Variants in CASKIN1 observed in about 807,000 individuals in gnomAD.
The protein encoded by CASKIN1 is caskin-1.
In CASKIN1, 42 loss-of-function variants were observed where a neutral mutation model predicts 117.5. The observed-to-expected ratio is 0.36, with a 90% CI of 0.28 to 0.46. The LOEUF (loss-of-function observed/expected upper bound fraction) is 0.46, where lower values mean the gene tolerates loss of function less well. CASKIN1 is among the 20% of genes least tolerant of loss of function. The pLI, the probability that CASKIN1 is intolerant of heterozygous loss-of-function variation, is 1.00. For missense variants in CASKIN1, 2,083 were observed against 2,077.3 expected, an observed-to-expected ratio of 1.00 and a Z score of -0.05; for synonymous variants, 1,148 against 961.7, an observed-to-expected ratio of 1.19 and a Z score of -3.59.
rs769679201 is a variant in CASKIN1, at chr16:2,181,200, C to G, written c.2168G>C (p.Arg723Pro). 6 of 1,569,720 alleles carry G rather than the reference C, an allele frequency of 3.8e-6. No individual in the cohort carries two copies. In the South Asian group the frequency reaches 5.7e-5, roughly 15 times the overall value. ...CTCATCCAGGAGGTACTCCTGGCTT[C>G]GAGACATGGGGCTGCTGGGCCCAGG... ...GPPGPSSPMS[R>P]SQEYLLDEGP... The change falls in exon 18 of 20, where the codon CGA (arginine) becomes CCA (proline). Residue 723 changes from arginine to proline, a missense_variant. Around this residue, in one of 3 missense-constraint regions of CASKIN1, gnomAD observed 1,818 missense variants for 1,688.9 expected, o/e 1.08. Transcript: ENST00000343516.
At position 2,186,731 on chromosome 16, in the gene CASKIN1, C is replaced by A. The variant is rs758724311; in HGVS notation, c.1024G>T (p.Gly342Cys). 4 of 1,612,914 alleles carry A rather than the reference C, an allele frequency of 2.5e-6. No homozygotes were observed. In the East Asian group the frequency reaches 8.9e-5, roughly 36 times the overall value. ...DRVGYFPSSL[G>C]EAIVKRAGSR... ...CCTGCTCGCTTGACAATGGCCTCGCCCAGGGAGGACGGGAAGTAGCCCACC... is the reference window on the plus strand; with the variant it reads ...CCTGCTCGCTTGACAATGGCCTCGCACAGGGAGGACGGGAAGTAGCCCACC... Residue 342 changes from glycine (G) to cysteine (C), a missense_variant, in exon 10 of 20, where the codon GGC becomes TGC. Coordinates refer to ENST00000343516, the MANE Select transcript of CASKIN1 (RefSeq NM_020764.4).
chr16:2,180,691 G>C lies in CASKIN1; in HGVS notation c.2677C>G (p.Pro893Ala). Residue 893 changes from proline (P) to alanine (A), a missense_variant, in exon 18 of 20, where the codon CCG (proline) becomes GCG (alanine). By Grantham distance (27) the Pro-to-Ala change is conservative. Around this residue, in one of 3 missense-constraint regions of CASKIN1, gnomAD observed 1,818 missense variants for 1,688.9 expected, o/e 1.08. Transcript: ENST00000343516. ...GGCACCAGCAGCTCGTCCCGCTCCG[G>C]CTCGCTGTCGGACGCCGCATAGCGA... ...LNRYAASDSE[P>A]ERDELLVPAA... The C allele has an allele frequency of 1.3e-6, 2 of 1,500,866 alleles. No homozygotes were observed. Among genetic ancestry groups the C allele is most frequent in the Non-Finnish European group, 1.8e-6 (2 of 1,130,738 alleles). The allele number at this position is 1,500,866 out of a possible 1,614,324, so 93.0% of individuals were successfully genotyped here.
intron 6 of CASKIN1, among the ~76,000 whole-genome samples, chr16:2,187,978 G>A (rs2093189944): frequency 2.0e-5 from 3 of 151,202 alleles, no homozygotes; most frequent in Admixed American, 1.3e-4. Flanking sequence ...CAAACTCCCG[G>A]CCTCAAGCAG....
In CASKIN1 at chr16:2,178,640, C is replaced by G; in HGVS notation, c.4206G>C (p.Ser1402=). Reference sequence around the variant, plus strand: ...TGCTGCCAGTGCTCTTTTCCGCCGCCGAGTCGCTGCGGGGCGCGGGGCAAG... The same window carrying G: ...TGCTGCCAGTGCTCTTTTCCGCCGCGGAGTCGCTGCGGGGCGCGGGGCAAG... The part of the protein sequence containing the change: ...RQEDAQGPRD[S]AAEKSTGSIL... The change falls in exon 20 of 20, where the codon TCG becomes TCC. Residue 1402 remains serine (S), a synonymous_variant. Coordinates refer to ENST00000343516, the MANE Select transcript of CASKIN1 (RefSeq NM_020764.4). 6.3e-7 allele frequency: 1 copy of G among 1,589,008 alleles called. No individual in the cohort carries two copies. The highest frequency in any genetic ancestry group is 2.3e-5 in the East Asian group (1 of 43,228).
intron 1 of CASKIN1, among the ~76,000 whole-genome samples, chr16:2,191,607 C>T (rs2064846038): frequency 6.6e-6 from 1 of 152,214 alleles, no homozygotes; most frequent in African/African-American, 2.4e-5. Flanking sequence ...AATCCCACCC[C>T]CAGCTCTCTC....
chr16:2,178,089 C>T lies in CASKIN1; in HGVS notation c.*461G>A, dbSNP rs2093148798. ...CTTTTTGTTTCTCTGGGGAAATCCG[C>T]CTCAGCTCATTCCCAATAAATTAAT... On this transcript the variant is annotated 3_prime_UTR_variant, in exon 20 of 20. Coordinates refer to ENST00000343516, the MANE Select transcript of CASKIN1 (RefSeq NM_020764.4). The T allele has an allele frequency of 4.0e-6, 2 of 498,802 alleles. No homozygotes were observed. The highest frequency in any genetic ancestry group is 2.5e-5 in the Admixed American group (1 of 40,650). 30.9% of individuals were successfully genotyped at this position (498,802 alleles called of 1,614,324 possible).
Position 2,178,616 on chromosome 16 carries a change from G to A in CASKIN1, c.4230C>T (p.Ser1410=). The part of the protein sequence containing the change: ...RDSAAEKSTG[S]ILDDIGSMFD... ...ACATGCTGCCGATGTCGTCCAGGAT[G>A]CTGCCAGTGCTCTTTTCCGCCGCCG... Residue 1410 remains serine, a synonymous_variant, in exon 20 of 20, where the codon AGC becomes AGT. Transcript: ENST00000343516. 6.3e-7 allele frequency: 1 copy of A among 1,596,188 alleles called. No homozygotes were observed. Among genetic ancestry groups the A allele is most frequent in the South Asian group, 1.1e-5 (1 of 89,992 alleles).
Position 2,180,821 on chromosome 16 carries a change from C to T in CASKIN1, c.2547G>A (p.Pro849=), listed in dbSNP as rs1197453614. The change falls in exon 18 of 20, where the codon CCG becomes CCA. Residue 849 remains proline (P), a synonymous_variant. Transcript: ENST00000343516. ...TCGGCACGGGTGGGGGCGCAGGCCC[C>T]GGGGCAGCCGGCCCCACCTCGCCCT... ...PVEGEVGPAA[P]GPAPPPVPTA... 8.7e-6 allele frequency: 12 copies of T among 1,386,734 alleles called. No homozygotes were observed. The Admixed American group carries it at 1.1e-4, about 12-fold the overall frequency. The allele number at this position is 1,386,734 out of a possible 1,614,324, so 85.9% of individuals were successfully genotyped here.
Position 2,187,369 on chromosome 16 carries a change from ACCAC to A in CASKIN1, c.706_709del (p.Val236CysfsTer13). 1 of 1,612,796 alleles carries A rather than the reference ACCAC, an allele frequency of 6.2e-7. No homozygotes were observed. The highest frequency in any genetic ancestry group is 8.5e-7 in the Non-Finnish European group (1 of 1,179,860). Reference sequence around the variant, plus strand: ...CACACTCACATCCAGCAGCAGCCGCACCACCTCTGTCTTTCCGCAGAGCGCAGCC... The same window carrying A: ...CACACTCACATCCAGCAGCAGCCGCACTCTGTCTTTCCGCAGAGCGCAGCC... On this transcript the variant is annotated frameshift_variant, in exon 7 of 20. Coordinates refer to ENST00000343516, the MANE Select transcript of CASKIN1 (RefSeq NM_020764.4). LOFTEE classifies it high-confidence loss of function.
In CASKIN1 at chr16:2,181,551, T is replaced by C; in HGVS notation, c.1817A>G (p.Gln606Arg). 6.3e-7 allele frequency: 1 copy of C among 1,590,016 alleles called. No individual in the cohort carries two copies. Residue 606 changes from glutamine (Q) to arginine (R), a missense_variant, in exon 18 of 20, where the codon CAG (glutamine) becomes CGG (arginine). Coordinates refer to ENST00000343516, the MANE Select transcript of CASKIN1 (RefSeq NM_020764.4). ...CTCATACTTGGCGTATTCAGCCTTC[T>C]GCAGCTCTGCCAGCTTCCTCACAGC... ...MLAVRKLAEL[Q>R]KAEYAKYEGG...
In CASKIN1 at chr16:2,181,865, T is replaced by C. The variant is rs1479864197; in HGVS notation, c.1694A>G (p.Asn565Ser). The change falls in exon 17 of 20, where the codon AAT (asparagine) becomes AGT (serine). Residue 565 changes from asparagine to serine, a missense_variant. Coordinates refer to ENST00000343516, the MANE Select transcript of CASKIN1 (RefSeq NM_020764.4). ...LAQYYKVLVD[N>S]GYENIDFITD... ...GATGAAATCAATGTTCTCGTAGCCA[T>C]TGTCCACCAACACCTTGTAGTACTG... is the stretch of plus-strand genomic sequence containing the variant. The C allele has an allele frequency of 1.2e-6, 2 of 1,613,684 alleles. No homozygotes were observed. Among genetic ancestry groups the C allele is most frequent in the Non-Finnish European group, 1.7e-6 (2 of 1,179,990 alleles).
rs762559379 is a variant in CASKIN1, at chr16:2,183,652, G to T, written c.1623C>A (p.His541Gln). ...GGGATGCAGGTGGCCTTACGGGTTTGTGCTCAGGCAGCCAGTCAGGGATGC... is the reference window on the plus strand; with the variant it reads ...GGGATGCAGGTGGCCTTACGGGTTTTTGCTCAGGCAGCCAGTCAGGGATGC... ...GLSIPDWLPE[H>Q]KPANLAVWLS... The change falls in exon 16 of 20, where the codon CAC (histidine) becomes CAA (glutamine). Residue 541 changes from histidine to glutamine, a missense_variant. By Grantham distance (24) the His-to-Gln change is conservative. Around this residue, in one of 3 missense-constraint regions of CASKIN1, gnomAD observed 1,818 missense variants for 1,688.9 expected, o/e 1.08. Coordinates refer to ENST00000343516, the MANE Select transcript of CASKIN1 (RefSeq NM_020764.4). 1.9e-6 allele frequency: 3 copies of T among 1,613,172 alleles called. No individual in the cohort carries two copies. The highest frequency in any genetic ancestry group is 2.5e-6 in the Non-Finnish European group (3 of 1,179,954).
In CASKIN1 at chr16:2,196,463, C is replaced by A; in HGVS notation, c.-31G>T. The stretch of plus-strand genomic sequence containing the variant: ...GGCCGGGGCCGCAGCGACGCGGCTG[C>A]GCTCGTGAGCTCGGCGCGGCTCAGA... On this transcript the variant is annotated 5_prime_UTR_variant, in exon 1 of 20. Coordinates refer to ENST00000343516, the MANE Select transcript of CASKIN1 (RefSeq NM_020764.4). This position sits in a 1 kb window ranked among gnomAD's most constrained non-coding sequence, Gnocchi z 5.7. 8.9e-7 allele frequency: 1 copy of A among 1,122,720 alleles called. No individual in the cohort carries two copies. Among genetic ancestry groups the A allele is most frequent in the Admixed American group, 4.5e-5 (1 of 22,090 alleles). The allele number at this position is 1,122,720 out of a possible 1,614,324, so 69.5% of individuals were successfully genotyped here. A position where few individuals can be genotyped will look rare whatever the true frequency, so the allele number is the denominator to read the frequency against.
chr16:2,181,307 C>A lies in CASKIN1; in HGVS notation c.2061G>T (p.Arg687Ser). ...GGCTGGAGTCCTGCCGCGTGGTGGC[C>A]CTCGGGGTGGGTGGCAGGTGGCTGG... ...KPSSHLPPTPRATTRQDSSLG... is the reference protein window; with the variant it reads ...KPSSHLPPTPSATTRQDSSLG... Residue 687 changes from arginine (R) to serine (S), a missense_variant, in exon 18 of 20, where the codon AGG becomes AGT. Arg to Ser is a moderately radical substitution (Grantham distance 110). Transcript: ENST00000343516. 1 of 1,603,932 alleles carries A rather than the reference C, an allele frequency of 6.2e-7. No individual in the cohort carries two copies. The highest frequency in any genetic ancestry group is 1.1e-5 in the South Asian group (1 of 90,644).
At chr16:2,181,666 C>T (rs1037560449) in intron 17 of CASKIN1, 67 bp from the exon 18 acceptor site, 54 of 101,744 alleles carry the variant, frequency 5.3e-4, no homozygotes, top group African/African-American at 4.8e-3. Context: ...GGGCTAGGGG[C>T]GGGGCTGGGC....
chr16:2,190,779 G>C, intron 1 of CASKIN1, among the ~76,000 whole-genome samples: 1 of 152,236 alleles, frequency 6.6e-6, no homozygotes, highest in East Asian at 1.9e-4. Context: ...AGATGGGGCC[G>C]GGGGTGGCCA....
In CASKIN1 at chr16:2,179,333, G is replaced by A; in HGVS notation, c.3776-8C>T. The A allele has an allele frequency of 1.6e-6, 2 of 1,288,356 alleles. No homozygotes were observed. Among genetic ancestry groups the A allele is most frequent in the Middle Eastern group, 2.9e-4 (1 of 3,440 alleles). The allele number at this position is 1,288,356 out of a possible 1,614,324, so 79.8% of individuals were successfully genotyped here. A position where few individuals can be genotyped will look rare whatever the true frequency, so the allele number is the denominator to read the frequency against. ...CGTGGGCGCGCTTCACCTCTGCGGG[G>A]AGGACCACGCTGGCACCGAGCGGGC... On this transcript the variant is annotated splice_polypyrimidine_tract_variant and splice_region_variant and intron_variant, in intron 18 of 19. Coordinates refer to ENST00000343516, the MANE Select transcript of CASKIN1 (RefSeq NM_020764.4). This position sits in a 1 kb window ranked among gnomAD's most constrained non-coding sequence, Gnocchi z 5.8.
At position 2,181,214 on chromosome 16, in the gene CASKIN1, G is replaced by T; in HGVS notation, c.2154C>A (p.Ser718Arg). ...ELLGDGPPGP[S>R]SPMSRSQEYL... ...ACTCCTGGCTTCGAGACATGGGGCT[G>T]CTGGGCCCAGGGGGCCCATCTCCCA... Residue 718 changes from serine (S) to arginine (R), a missense_variant, in exon 18 of 20, where the codon AGC becomes AGA. Physicochemically the swap from Ser to Arg is moderately radical, Grantham distance 110. Coordinates refer to ENST00000343516, the MANE Select transcript of CASKIN1 (RefSeq NM_020764.4). 1.3e-6 allele frequency: 2 copies of T among 1,585,514 alleles called. No individual in the cohort carries two copies. The highest frequency in any genetic ancestry group is 1.7e-6 in the Non-Finnish European group (2 of 1,174,212).
At position 2,178,022 on chromosome 16, in the gene CASKIN1, A is replaced by G. The variant is rs2093148217; in HGVS notation, c.*528T>C. 1 of 433,572 alleles carries G rather than the reference A, an allele frequency of 2.3e-6. No individual in the cohort carries two copies. 26.9% of individuals were successfully genotyped at this position (433,572 alleles called of 1,614,324 possible). ...TGGTAAATGGTTTTCTATAGAATCA[A>G]TAATATTTCTTTCTTTAAATATATA... On this transcript the variant is annotated 3_prime_UTR_variant, in exon 20 of 20. Transcript: ENST00000343516.
Sources: gnomAD v4.1 joint callset for allele counts (sites outside exome capture counted in the v4.1 genomes callset) on GRCh38, gnomAD v4.1.1 for gene constraint, gnomAD v4.1.1 regional missense constraint, Gnocchi (gnomAD v3.1) non-coding constraint, MANE v1.5 for transcripts, NCBI Gene and HGNC (gene_info 2026-07-23, HGNC 2026-07-21) for gene names.